Variants in ENTPD7 observed in about 807,000 individuals in gnomAD.
ENTPD7 encodes ectonucleoside triphosphate diphosphohydrolase 7.
Under a neutral mutation model 77.9 loss-of-function variants are expected in ENTPD7, and 53 were observed. That is an observed-to-expected ratio of 0.68 (90% CI 0.55 to 0.85). ENTPD7 has a LOEUF of 0.85. Ranked by LOEUF, ENTPD7 falls within the 40% of genes least tolerant of loss-of-function variation. The probability of loss-of-function intolerance (pLI) is 0.00; values close to 1 mark genes in which losing one functional copy is unlikely to be tolerated. For missense variants in ENTPD7, 636 were observed against 743.7 expected, an observed-to-expected ratio of 0.86 and a Z score of 1.68; for synonymous variants, 248 against 274.9, an observed-to-expected ratio of 0.90 and a Z score of 0.97.
chr10:99,677,391 G>A (rs1288374527), intron 3 of ENTPD7, among the ~76,000 whole-genome samples: 16 of 132,560 alleles, frequency 1.2e-4, no homozygotes, highest in Admixed American at 1.7e-4. Context: ...TTGAGATGGA[G>A]TCTCGCTCTG....
intron 3 of ENTPD7, among the ~76,000 whole-genome samples, chr10:99,676,966 G>A (rs114427065): frequency 6.6e-6 from 1 of 152,204 alleles, no homozygotes; most frequent in African/African-American, 2.4e-5. Context: ...TATAGGAAAG[G>A]TACTCTACTT....
chr10:99,689,650 CTTT>C (rs1005193116), intron 7 of ENTPD7, among the ~76,000 whole-genome samples: 1 of 152,194 alleles, frequency 6.6e-6, no homozygotes, highest in Non-Finnish European at 1.5e-5. Context: ...GGTTGACTCA[CTTT>C]TTGTCATGCT....
At chr10:99,700,139 CTCTT>C (rs1174762412) in intron 10 of ENTPD7, among the ~76,000 whole-genome samples, 1 of 152,144 alleles carries the variant, frequency 6.6e-6, no homozygotes, top group Non-Finnish European at 1.5e-5. Context: ...CATGGCCTGA[CTCTT>C]TCTCTTATCT....
chr10:99,671,336 G>A (rs547039216), intron 3 of ENTPD7, among the ~76,000 whole-genome samples: 1 of 151,992 alleles, frequency 6.6e-6, no homozygotes, highest in Non-Finnish European at 1.5e-5. Flanking sequence ...CAAACATATT[G>A]TAAAGCTATA....
rs376724063 is a variant in ENTPD7 at position 99,665,803 on chromosome 10, AGT to A, written c.191+4178_191+4179del. 2.6e-4 allele frequency among the ~76,000 whole-genome samples: 40 copies of A among 151,848 alleles called. No homozygotes were observed. In the East Asian group the frequency reaches 7.6e-3, roughly 29 times the overall value. Reference sequence around the variant, plus strand: ...CGATCCTCCTGCTTTGGCCTCCCAGAGTGTTGGGATTGCAGGCATGAGTACCA... The same window carrying A: ...CGATCCTCCTGCTTTGGCCTCCCAGAGTTGGGATTGCAGGCATGAGTACCA... On this transcript the variant is annotated intron_variant, in intron 3 of 12. Transcript: ENST00000370489.
intron 3 of ENTPD7, among the ~76,000 whole-genome samples, chr10:99,672,442 A>G (rs2035628811): frequency 6.6e-6 from 1 of 151,826 alleles, no homozygotes; most frequent in African/African-American, 2.4e-5. Flanking sequence ...AGCAGCTGAG[A>G]CCAAAGGCAA....
chr10:99,687,467 G>T (rs987407137), intron 6 of ENTPD7, among the ~76,000 whole-genome samples: 1 of 151,234 alleles, frequency 6.6e-6, no homozygotes, highest in African/African-American at 2.4e-5. Flanking sequence ...GAGTTTCACT[G>T]TGTTAACCAG....
intron 3 of ENTPD7, 69 bp from the exon 4 acceptor site, chr10:99,679,192 T>C: frequency 6.8e-7 from 1 of 1,465,078 alleles, no homozygotes. Context: ...CATGAACAAA[T>C]GAAGTAAGTG....
At chr10:99,667,988 G>A (rs2035572261) in intron 3 of ENTPD7, among the ~76,000 whole-genome samples, 1 of 130,526 alleles carries the variant, frequency 7.7e-6, no homozygotes, top group Non-Finnish European at 1.5e-5. Context: ...AGGCTGGAGT[G>A]CAGTGGCATG....
chr10:99,684,848 C>T (rs1424815264), intron 5 of ENTPD7, among the ~76,000 whole-genome samples: 2 of 152,036 alleles, frequency 1.3e-5, no homozygotes, highest in African/African-American at 4.8e-5. Flanking sequence ...GTGTTTTCCC[C>T]AAATTGGAAA....
intron 9 of ENTPD7, among the ~76,000 whole-genome samples, chr10:99,698,200 G>A (rs150215186): frequency 7.9e-4 from 121 of 152,246 alleles, no homozygotes; most frequent in Non-Finnish European, 1.1e-3. Context: ...ACCACACTCC[G>A]CACGATAAGG....
chr10:99,706,426 C>T lies in ENTPD7; in HGVS notation c.*1743C>T, dbSNP rs2036254646. On this transcript the variant is annotated 3_prime_UTR_variant, in exon 13 of 13. Transcript: ENST00000370489. ...TCATGGCTCACCGCAGCCTCAACCT[C>T]CTGGGCTCAAACAGTCCTCCCAACT... Among the ~76,000 whole-genome samples, 1 of 151,950 alleles carries T rather than the reference C, an allele frequency of 6.6e-6. No individual in the cohort carries two copies. Among genetic ancestry groups the T allele is most frequent in the Non-Finnish European group, 1.5e-5 (1 of 67,986 alleles).
In ENTPD7 at chr10:99,706,306, A is replaced by T. The variant is rs2036251194; in HGVS notation, c.*1623A>T. 6.6e-6 allele frequency: 1 copy of T among 151,680 alleles called. No individual in the cohort carries two copies. The highest frequency in any genetic ancestry group is 2.1e-4 in the South Asian group (1 of 4,802). 9.4% of individuals were successfully genotyped at this position (151,680 alleles called of 1,614,324 possible). On this transcript the variant is annotated 3_prime_UTR_variant, in exon 13 of 13. Coordinates refer to ENST00000370489, the MANE Select transcript of ENTPD7 (RefSeq NM_020354.5). ...CTTGTATTGTTTTAAAATTAGATAA[A>T]CATGGATTAAGCATGCAAAGACTCT...
rs1015366487 is a variant in ENTPD7, at chr10:99,679,471, T to G, written c.397+5T>G. Reference sequence around the variant, plus strand: ...TGGTTAAAAAAATCAAGCCAGGTACTAATCAGAATATATTTTGTTGTCAGT... The same window carrying G: ...TGGTTAAAAAAATCAAGCCAGGTACGAATCAGAATATATTTTGTTGTCAGT... On this transcript the variant is annotated splice_donor_5th_base_variant and intron_variant, in intron 4 of 12. Coordinates refer to ENST00000370489, the MANE Select transcript of ENTPD7 (RefSeq NM_020354.5). 6.2e-7 allele frequency: 1 copy of G among 1,604,640 alleles called. No individual in the cohort carries two copies. Among genetic ancestry groups the G allele is most frequent in the Non-Finnish European group, 8.5e-7 (1 of 1,176,916 alleles).
At chr10:99,677,489 T>G (rs2035699268) in intron 3 of ENTPD7, among the ~76,000 whole-genome samples, 1 of 149,960 alleles carries the variant, frequency 6.7e-6, no homozygotes, top group Admixed American at 6.7e-5. Context: ...CTCAGCCTCC[T>G]GAGTAGCTGG....
In ENTPD7 at chr10:99,687,436, T is replaced by C. The variant is rs144515085; in HGVS notation, c.653-1258T>C. Among the ~76,000 whole-genome samples, 1,017 of 151,704 alleles carry C rather than the reference T, an allele frequency of 6.7e-3. 9 individuals are homozygous for C. The highest frequency in any genetic ancestry group is 0.022 in the African/African-American group (899 of 41,362). ...GTGTGCCACCACGCCTGGCTAATTT[T>C]TTGTATTTTTAGTAGAGACGGAGTT... On this transcript the variant is annotated intron_variant, in intron 6 of 12. Coordinates refer to ENST00000370489, the MANE Select transcript of ENTPD7 (RefSeq NM_020354.5).
chr10:99,674,654 A>G (rs1040661383), intron 3 of ENTPD7, among the ~76,000 whole-genome samples: 1 of 152,216 alleles, frequency 6.6e-6, no homozygotes, highest in Non-Finnish European at 1.5e-5. Flanking sequence ...GCGGAATAAT[A>G]TATCATTGTA....
At chr10:99,661,705 C>A in intron 3 of ENTPD7, 77 bp downstream of exon 3, 1 of 1,250,020 alleles carries the variant, frequency 8.0e-7, no homozygotes, top group East Asian at 2.6e-5. Context: ...GACTTTGACC[C>A]TTTTGGGTGA....
chr10:99,708,740 CA>C lies in ENTPD7; in HGVS notation c.*4059del. ...TCAGAAGAGTTTTAAAGCTTCTGGT[CA>C]ACCCCCTTGATTTATATGGGTGATA... is the stretch of plus-strand genomic sequence containing the variant. On this transcript the variant is annotated 3_prime_UTR_variant, in exon 13 of 13. Coordinates refer to ENST00000370489, the MANE Select transcript of ENTPD7 (RefSeq NM_020354.5). The C allele has an allele frequency of 1.3e-6, 1 of 755,572 alleles. No homozygotes were observed. The highest frequency in any genetic ancestry group is 1.6e-6 in the Non-Finnish European group (1 of 620,136). 46.8% of individuals were successfully genotyped at this position (755,572 alleles called of 1,614,324 possible).
Sources: gnomAD v4.1 joint callset for allele counts (sites outside exome capture counted in the v4.1 genomes callset) on GRCh38, gnomAD v4.1.1 for gene constraint, MANE v1.5 for transcripts, NCBI Gene and HGNC (gene_info 2026-07-23, HGNC 2026-07-21) for gene names.